EPC2: variants seen among roughly 807,000 people sequenced by gnomAD.
EPC2 encodes the protein enhancer of polycomb homolog 2.
A neutral mutation model predicts 92.1 loss-of-function variants in EPC2; 14 were observed. The observed-to-expected ratio is 0.15, with a 90% CI of 0.10 to 0.24. EPC2 has a LOEUF of 0.24. Among genes scored for constraint, EPC2 ranks in the 10% least tolerant of loss-of-function variants. The probability of loss-of-function intolerance (pLI) is 1.00; values close to 1 mark genes in which losing one functional copy is unlikely to be tolerated. For synonymous variants in EPC2, 340 were observed against 334.7 expected, an observed-to-expected ratio of 1.02 and a Z score of -0.17; for missense variants, 755 against 971.5, an observed-to-expected ratio of 0.78 and a Z score of 2.96.
intron 1 of EPC2, among the ~76,000 whole-genome samples, chr2:148,648,556 T>TTG (rs1480200914): frequency 6.6e-6 from 1 of 152,202 alleles, no homozygotes; most frequent in Non-Finnish European, 1.5e-5. Flanking sequence ...GGATTCACAA[T>TTG]TGTTGCTGGG....
intron 1 of EPC2, among the ~76,000 whole-genome samples, chr2:148,666,442 CCAGAGGA>C (rs1681057130): frequency 6.6e-6 from 1 of 152,120 alleles, no homozygotes; most frequent in African/African-American, 2.4e-5. Context: ...CTGCACCAGG[CCAGAGGA>C]CCAATTTAAA....
intron 2 of EPC2, among the ~76,000 whole-genome samples, chr2:148,713,562 G>A (rs1447047198): frequency 2.0e-5 from 3 of 152,022 alleles, no homozygotes; most frequent in Admixed American, 6.6e-5. Context: ...CTACAACAGT[G>A]TAATGTCCTA....
At chr2:148,780,671 T>C (rs1683730022) in intron 10 of EPC2, among the ~76,000 whole-genome samples, 1 of 152,192 alleles carries the variant, frequency 6.6e-6, no homozygotes, top group Admixed American at 6.5e-5. Context: ...TGCAGCATTC[T>C]GCATTATAGT....
In EPC2 at chr2:148,761,936, A is replaced by G. The variant is rs759443047; in HGVS notation, c.815+6A>G. On this transcript the variant is annotated splice_donor_region_variant and intron_variant, in intron 5 of 13. Coordinates refer to ENST00000258484, the MANE Select transcript of EPC2 (RefSeq NM_015630.4). The stretch of plus-strand genomic sequence containing the variant: ...TTAGAAGTTGTGGAGAAAAGGTAAC[A>G]TTGCTCCTGTTACAACAGTAAAATG... The G allele has an allele frequency of 2.5e-6, 4 of 1,577,268 alleles. No homozygotes were observed. The highest frequency in any genetic ancestry group is 1.7e-4 in the Middle Eastern group (1 of 6,004).
At chr2:148,765,347 C>A (rs1178094817) in intron 7 of EPC2, among the ~76,000 whole-genome samples, 1 of 152,076 alleles carries the variant, frequency 6.6e-6, no homozygotes, top group African/African-American at 2.4e-5. Flanking sequence ...AGAATTTACT[C>A]TTTTGTGGAG....
chr2:148,771,946 G>A (rs1683530734), intron 10 of EPC2, among the ~76,000 whole-genome samples: 1 of 151,886 alleles, frequency 6.6e-6, no homozygotes, highest in East Asian at 1.9e-4. Context: ...CTACAGGCGT[G>A]CACCACCACG....
chr2:148,711,597 C>G (rs1033876779), intron 2 of EPC2, among the ~76,000 whole-genome samples: 5 of 152,102 alleles, frequency 3.3e-5, no homozygotes, highest in African/African-American at 9.7e-5. Flanking sequence ...CCAATTAGAT[C>G]AGTTGACTGA....
chr2:148,774,916 A>T (rs1299140612), intron 10 of EPC2, among the ~76,000 whole-genome samples: 1 of 150,702 alleles, frequency 6.6e-6, no homozygotes, highest in African/African-American at 2.4e-5. Context: ...TGAAACCCCG[A>T]CTCTACTAAA....
intron 3 of EPC2, among the ~76,000 whole-genome samples, chr2:148,749,262 T>A (rs1445053215): frequency 6.6e-6 from 1 of 152,162 alleles, no homozygotes; most frequent in South Asian, 2.1e-4. Context: ...GTGGTTTCCC[T>A]ACTGGATCAG....
At chr2:148,645,233 C>G in intron 1 of EPC2, 63 bp downstream of exon 1, 1 of 1,389,008 alleles carries the variant, frequency 7.2e-7, no homozygotes, top group Non-Finnish European at 9.8e-7. Context: ...GTCAGTCGGG[C>G]CTCGCCATTC....
intron 12 of EPC2, 57 bp from the exon 13 acceptor site, chr2:148,784,611 A>G: frequency 1.6e-6 from 2 of 1,263,066 alleles, no homozygotes; most frequent in South Asian, 1.5e-5. Context: ...TTAAGCTTCT[A>G]AAAATAGTTG....
Position 148,690,348 on chromosome 2 carries a change from G to A in EPC2, c.288G>A (p.Gln96=), listed in dbSNP as rs1468913222. The change falls in exon 2 of 14, where the codon CAG becomes CAA. Residue 96 remains glutamine (Q), a synonymous_variant. Transcript: ENST00000258484. The part of the protein sequence containing the change: ...YNRLYKGEFK[Q]PKQFIHIQPF... ...GCTTGTACAAAGGAGAGTTTAAACAGCCAAAACAGTTCATTCATATTCAGC... is the reference window on the plus strand; with the variant it reads ...GCTTGTACAAAGGAGAGTTTAAACAACCAAAACAGTTCATTCATATTCAGC... 3.7e-6 allele frequency: 6 copies of A among 1,601,080 alleles called. No homozygotes were observed. The highest frequency in any genetic ancestry group is 2.2e-5 in the East Asian group (1 of 44,610).
chr2:148,712,240 T>TG (rs138310494), intron 2 of EPC2, among the ~76,000 whole-genome samples: 4 of 151,096 alleles, frequency 2.6e-5, no homozygotes, highest in Non-Finnish European at 5.9e-5. Flanking sequence ...TTTGTGTGTG[T>TG]GGGGGTGTGT....
At chr2:148,645,219 C>A (rs748824229) in intron 1 of EPC2, 49 bp downstream of exon 1, 1 of 1,465,842 alleles carries the variant, frequency 6.8e-7, no homozygotes, top group Non-Finnish European at 9.2e-7. Flanking sequence ...CCCCCCTCCC[C>A]TTTGTCAGTC....
Position 148,761,797 on chromosome 2 carries a change from G to T in EPC2, c.682G>T (p.Glu228Ter). The change falls in exon 5 of 14, where the codon GAA (glutamate) becomes TAA (stop). Residue 228 changes from glutamate to a stop codon, truncating the protein, a stop_gained. Coordinates refer to ENST00000258484, the MANE Select transcript of EPC2 (RefSeq NM_015630.4). LOFTEE classifies it high-confidence loss of function. Reference sequence around the variant, plus strand: ...TTTTTAATAGAATCGTAAGAATGATGAAGCCTCTTATGAAAAGATGTTGAA... The same window carrying T: ...TTTTTAATAGAATCGTAAGAATGATTAAGCCTCTTATGAAAAGATGTTGAA... ...MQTRKNRKND[E>*]ASYEKMLKLR... The T allele has an allele frequency of 6.5e-7, 1 of 1,528,310 alleles. No individual in the cohort carries two copies. The highest frequency in any genetic ancestry group is 2.4e-5 in the East Asian group (1 of 41,740). 94.7% of individuals were successfully genotyped at this position (1,528,310 alleles called of 1,614,324 possible).
Position 148,771,330 on chromosome 2 carries a change from A to G in EPC2, c.1663A>G (p.Lys555Glu), listed in dbSNP as rs762256199. The G allele has an allele frequency of 3.1e-6, 5 of 1,612,132 alleles. No individual in the cohort carries two copies. Among genetic ancestry groups the G allele is most frequent in the South Asian group, 1.1e-5 (1 of 90,534 alleles). ...AAAACCAGGGCAGACTGTGAACAAT[A>G]AAAGAGTTTCTGCAGCATCTGTAGC... ...SRKPGQTVNNKRVSAASVALL... is the reference protein window; with the variant it reads ...SRKPGQTVNNERVSAASVALL... Residue 555 changes from lysine (K) to glutamate (E), a missense_variant, in exon 10 of 14, where the codon AAA (lysine) becomes GAA (glutamate). Coordinates refer to ENST00000258484, the MANE Select transcript of EPC2 (RefSeq NM_015630.4).
rs529429059 is a variant in EPC2, at chr2:148,649,174, A to G, written c.153+4004A>G. Reference sequence around the variant, plus strand: ...TTAAGGGCTTTACATATATTATTTCATTTAATCCTTTTTTTAAATAAACTT... The same window carrying G: ...TTAAGGGCTTTACATATATTATTTCGTTTAATCCTTTTTTTAAATAAACTT... On this transcript the variant is annotated intron_variant, in intron 1 of 13. Coordinates refer to ENST00000258484, the MANE Select transcript of EPC2 (RefSeq NM_015630.4). Among the ~76,000 whole-genome samples, 260 of 152,306 alleles carry G rather than the reference A, an allele frequency of 1.7e-3. 2 individuals carry two copies. The highest frequency in any genetic ancestry group is 2.9e-3 in the Non-Finnish European group (198 of 68,026).
intron 1 of EPC2, among the ~76,000 whole-genome samples, chr2:148,671,076 T>G (rs1167059485): frequency 6.6e-6 from 1 of 152,222 alleles, no homozygotes; most frequent in Non-Finnish European, 1.5e-5. Flanking sequence ...GCATAAAGTC[T>G]GATATATAGG....
chr2:148,707,839 A>G (rs935611589), intron 2 of EPC2, among the ~76,000 whole-genome samples: 8 of 152,254 alleles, frequency 5.3e-5, no homozygotes, highest in African/African-American at 1.7e-4. Context: ...TCTGGGACAC[A>G]TTTAAAGCAG....
Sources: allele counts gnomAD v4.1 joint callset (sites outside exome capture counted in the v4.1 genomes callset), GRCh38; gene constraint gnomAD v4.1.1; transcripts MANE v1.5; gene names NCBI Gene and HGNC (gene_info 2026-07-23, HGNC 2026-07-21).